Variants in ZNF277 observed in about 807,000 individuals in gnomAD.
ZNF277 encodes nuclear receptor-interacting factor 4.
A neutral mutation model predicts 60.7 loss-of-function variants in ZNF277; 55 were observed. The observed-to-expected ratio is 0.91, with a 90% CI of 0.73 to 1.13. The LOEUF is 1.13. Ranked by LOEUF, ZNF277 falls within the 50% of genes most tolerant of loss-of-function variation. ZNF277 has a pLI of 0.00. For missense variants in ZNF277, 510 were observed against 523.0 expected, an observed-to-expected ratio of 0.98 and a Z score of 0.24; for synonymous variants, 178 against 179.3, an observed-to-expected ratio of 0.99 and a Z score of 0.06.
intron 1 of ZNF277, among the ~76,000 whole-genome samples, chr7:112,225,268 T>C (rs1041518534): frequency 6.6e-6 from 1 of 152,190 alleles, no homozygotes; most frequent in African/African-American, 2.4e-5. Flanking sequence ...TGATTAGTGG[T>C]ATTGGCAGGG....
chr7:112,300,145 A>G (rs1792443144), intron 4 of ZNF277, among the ~76,000 whole-genome samples: 1 of 152,306 alleles, frequency 6.6e-6, no homozygotes, highest in South Asian at 2.1e-4. Flanking sequence ...TAAATGATTC[A>G]CTGAAAGTTA....
chr7:112,301,807 T>C (rs1792477393), intron 4 of ZNF277, among the ~76,000 whole-genome samples: 2 of 151,050 alleles, frequency 1.3e-5, no homozygotes, highest in African/African-American at 4.8e-5. Context: ...GTTTAGACTG[T>C]TGTATTAACA....
chr7:112,312,842 C>T (rs1402339066), intron 4 of ZNF277, among the ~76,000 whole-genome samples: 1 of 151,998 alleles, frequency 6.6e-6, no homozygotes, highest in Non-Finnish European at 1.5e-5. Context: ...TCAGCAAAGG[C>T]AATTTCAACA....
At chr7:112,248,434 G>A (rs1270864762) in intron 1 of ZNF277, among the ~76,000 whole-genome samples, 2 of 151,630 alleles carry the variant, frequency 1.3e-5, no homozygotes, top group Non-Finnish European at 2.9e-5. Context: ...AAAACAAAGG[G>A]GGAAAAACAG....
chr7:112,234,514 T>A (rs1822433195), intron 1 of ZNF277, among the ~76,000 whole-genome samples: 1 of 152,132 alleles, frequency 6.6e-6, no homozygotes, highest in Non-Finnish European at 1.5e-5. Context: ...AGGTCCTACA[T>A]CCTACTATCA....
intron 11 of ZNF277, 145 bp from the exon 12 acceptor site, chr7:112,342,416 A>G (rs967430656): frequency 3.8e-6 from 2 of 525,906 alleles, no homozygotes; most frequent in Non-Finnish European, 6.1e-6. Context: ...AGCAATCAGA[A>G]GTTGTCTCCA....
intron 4 of ZNF277, among the ~76,000 whole-genome samples, chr7:112,303,607 A>G (rs540683171): frequency 3.2e-4 from 49 of 152,120 alleles, no homozygotes; most frequent in African/African-American, 1.1e-3. Flanking sequence ...TGAATTTTTT[A>G]AAGTCCTTCT....
intron 1 of ZNF277, among the ~76,000 whole-genome samples, chr7:112,271,979 T>C (rs1244686651): frequency 6.6e-6 from 1 of 152,200 alleles, no homozygotes; most frequent in Admixed American, 6.5e-5. Context: ...TTTTTAAATG[T>C]ACAGTACATT....
rs138707944 is a variant in ZNF277, at chr7:112,283,729, A to T, written c.92-3144A>T. 1.6e-4 allele frequency among the ~76,000 whole-genome samples: 24 copies of T among 152,332 alleles called. No homozygotes were observed. In the East Asian group the frequency reaches 4.2e-3, roughly 27 times the overall value. ...GAGCATTAGACATACAAAAGGGAAA[A>T]ACAAGTGAACCACAGAGGAATAATA... On this transcript the variant is annotated intron_variant, in intron 1 of 11. Coordinates refer to ENST00000361822, the MANE Select transcript of ZNF277 (RefSeq NM_021994.3).
intron 1 of ZNF277, among the ~76,000 whole-genome samples, chr7:112,277,050 C>T (rs1489760514): frequency 1.3e-5 from 2 of 150,606 alleles, no homozygotes; most frequent in East Asian, 3.9e-4. Flanking sequence ...TTTTATGGGT[C>T]CCCAGAACCC....
At chr7:112,318,841 ACC>A (rs1019270840) in intron 5 of ZNF277, among the ~76,000 whole-genome samples, 1 of 152,094 alleles carries the variant, frequency 6.6e-6, no homozygotes, top group African/African-American at 2.4e-5. Context: ...CAAAGTTTTG[ACC>A]ACTGGTTATA....
intron 2 of ZNF277, among the ~76,000 whole-genome samples, chr7:112,292,343 C>T (rs752253939): frequency 3.7e-4 from 56 of 152,178 alleles, no homozygotes; most frequent in Non-Finnish European, 6.6e-4. Context: ...CAGCCCCAAA[C>T]AGTTGGTGTC....
At chr7:112,289,256 G>A (rs1157106473) in intron 2 of ZNF277, among the ~76,000 whole-genome samples, 1 of 152,156 alleles carries the variant, frequency 6.6e-6, no homozygotes, top group East Asian at 1.9e-4. Flanking sequence ...CATACCCACA[G>A]GGGTAATGAT....
At chr7:112,326,643 A>G (rs1220140810) in intron 5 of ZNF277, among the ~76,000 whole-genome samples, 3 of 147,986 alleles carry the variant, frequency 2.0e-5, no homozygotes, top group Admixed American at 6.7e-5. Context: ...TACATAGTTA[A>G]AAAAAAAAAA....
chr7:112,265,465 ATCAAGTATCACTGATC>A (rs1361324396), intron 1 of ZNF277, among the ~76,000 whole-genome samples: 3 of 152,212 alleles, frequency 2.0e-5, no homozygotes, highest in African/African-American at 7.2e-5. Flanking sequence ...AATTAGTAAC[ATCAAGTATCACTGATC>A]ACAGATCGCC....
chr7:112,307,560 G>A lies in ZNF277; in HGVS notation c.466-10622G>A, dbSNP rs565100180. Among the ~76,000 whole-genome samples the A allele has an allele frequency of 1.2e-3, 187 of 151,920 alleles. 2 individuals carry two copies. Among genetic ancestry groups the A allele is most frequent in the African/African-American group, 4.1e-3 (169 of 41,458 alleles). ...CTACTGACTGCCTGGGATTATAGGC[G>A]TGCACCAGCATGCCTGGCTAATTTT... On this transcript the variant is annotated intron_variant, in intron 4 of 11. Transcript: ENST00000361822.
intron 1 of ZNF277, among the ~76,000 whole-genome samples, chr7:112,281,501 T>G (rs886810690): frequency 6.6e-6 from 1 of 152,220 alleles, no homozygotes; most frequent in Non-Finnish European, 1.5e-5. Context: ...TAACATACTT[T>G]TATTACTCTC....
chr7:112,331,993 A>G (rs528252633), intron 7 of ZNF277, among the ~76,000 whole-genome samples: 1 of 152,330 alleles, frequency 6.6e-6, no homozygotes, highest in East Asian at 1.9e-4. Context: ...TTAGAAAAGT[A>G]TGATACTTCA....
At chr7:112,279,406 C>G (rs964301686) in intron 1 of ZNF277, among the ~76,000 whole-genome samples, 2 of 152,084 alleles carry the variant, frequency 1.3e-5, no homozygotes, top group South Asian at 4.1e-4. Context: ...TTAGGAGGTA[C>G]GAGATGATAT....
Sources: allele counts gnomAD v4.1 joint callset (sites outside exome capture counted in the v4.1 genomes callset), GRCh38; gene constraint gnomAD v4.1.1; transcripts MANE v1.5; gene names NCBI Gene and HGNC (gene_info 2026-07-23, HGNC 2026-07-21).